The following MYO16 variants were observed in gnomAD, a reference collection of about 807,000 sequenced individuals.
The protein encoded by MYO16 is myosin XVI, also known as unconventional myosin-XVI.
In MYO16, 94 loss-of-function variants were observed where a neutral mutation model predicts 205.3. That is an observed-to-expected ratio of 0.46 (90% confidence interval 0.39 to 0.54). The LOEUF (loss-of-function observed/expected upper bound fraction) is 0.54. Ranked by LOEUF, MYO16 falls within the 20% of genes least tolerant of loss-of-function variation. MYO16 has a pLI of 0.00. For synonymous variants in MYO16, 988 were observed against 954.0 expected, an observed-to-expected ratio of 1.04 and a Z score of -0.66; for missense variants, 2,315 against 2,387.5, an observed-to-expected ratio of 0.97 and a Z score of 0.63.
chr13:109,073,599 A>G (rs1887995942), intron 27 of MYO16, among the ~76,000 whole-genome samples: 1 of 152,200 alleles, frequency 6.6e-6, no homozygotes, highest in Non-Finnish European at 1.5e-5. Context: ...CTGCTGATGT[A>G]GAAATAGGGT....
chr13:108,934,201 A>G (rs900906873), intron 16 of MYO16, among the ~76,000 whole-genome samples: 1 of 152,190 alleles, frequency 6.6e-6, no homozygotes, highest in Non-Finnish European at 1.5e-5. Flanking sequence ...ACTAATTTAT[A>G]TTCCCACCAA....
intron 12 of MYO16, among the ~76,000 whole-genome samples, chr13:108,879,465 A>T (rs995405488): frequency 1.1e-4 from 17 of 152,050 alleles, no homozygotes; most frequent in African/African-American, 3.9e-4. Flanking sequence ...TGCACCCGTT[A>T]ATTCATCATT....
chr13:108,776,361 C>G (rs1002361096), intron 4 of MYO16, among the ~76,000 whole-genome samples: 2 of 152,170 alleles, frequency 1.3e-5, no homozygotes, highest in Non-Finnish European at 2.9e-5. Context: ...CTGGCCTAGT[C>G]TAGAAGATTC....
chr13:108,570,432 A>G, the MYO16 span, among the ~76,000 whole-genome samples: 21 of 151,970 alleles, frequency 1.4e-4, no homozygotes, highest in South Asian at 4.2e-4. Flanking sequence ...AATTTTTCAT[A>G]GAGATGGGGT....
At chr13:109,072,375 GC>G (rs1887950538) in intron 27 of MYO16, among the ~76,000 whole-genome samples, 1 of 152,076 alleles carries the variant, frequency 6.6e-6, no homozygotes, top group South Asian at 2.1e-4. Flanking sequence ...CTAGATGCAA[GC>G]TGAGTGATAT....
At chr13:108,531,462 T>C in the MYO16 span, among the ~76,000 whole-genome samples, 2 of 151,896 alleles carry the variant, frequency 1.3e-5, no homozygotes, top group Admixed American at 6.6e-5. Context: ...ATTTTAGAGG[T>C]AGATTTGGAC....
chr13:109,204,765 G>A (rs1014120090), intron 34 of MYO16, among the ~76,000 whole-genome samples: 1 of 152,104 alleles, frequency 6.6e-6, no homozygotes, highest in Non-Finnish European at 1.5e-5. Flanking sequence ...ATGTGGCTTT[G>A]GCCAGATTAC....
chr13:109,149,140 T>A (rs1309053567), intron 32 of MYO16, among the ~76,000 whole-genome samples: 1 of 152,128 alleles, frequency 6.6e-6, no homozygotes, highest in African/African-American at 2.4e-5. Context: ...ACTCTTAGGA[T>A]CTTTCCTACA....
chr13:108,715,757 A>G (rs986358403), intron 3 of MYO16, among the ~76,000 whole-genome samples: 1 of 152,128 alleles, frequency 6.6e-6, no homozygotes, highest in Non-Finnish European at 1.5e-5. Flanking sequence ...TGGGGCCACA[A>G]TTATTTTGTT....
intron 2 of MYO16, among the ~76,000 whole-genome samples, chr13:108,708,211 C>T (rs554636102): frequency 7.9e-5 from 12 of 152,342 alleles, no homozygotes; most frequent in Middle Eastern, 3.4e-3. Context: ...TGCAAATAGA[C>T]ATTTCTGTGG....
chr13:108,857,349 A>G (rs1272306515), intron 11 of MYO16, among the ~76,000 whole-genome samples: 1 of 152,226 alleles, frequency 6.6e-6, no homozygotes, highest in Non-Finnish European at 1.5e-5. Flanking sequence ...GAGGAAAAGC[A>G]GGTTTATTTG....
At chr13:108,747,317 GTAA>G (rs923895947) in intron 4 of MYO16, among the ~76,000 whole-genome samples, 6 of 151,860 alleles carry the variant, frequency 4.0e-5, no homozygotes, top group African/African-American at 1.5e-4. Context: ...TCTATTTAAA[GTAA>G]TGATAACAAT....
the MYO16 span, among the ~76,000 whole-genome samples, chr13:108,585,141 T>C: frequency 6.6e-6 from 1 of 152,212 alleles, no homozygotes; most frequent in Non-Finnish European, 1.5e-5. Flanking sequence ...CAGAGATTTA[T>C]TCTGAGCCAA....
the MYO16 span, among the ~76,000 whole-genome samples, chr13:108,584,105 C>T: frequency 6.6e-6 from 1 of 152,188 alleles, no homozygotes; most frequent in African/African-American, 2.4e-5. Context: ...AGGTGCCCAC[C>T]ACCACGCCCA....
At chr13:108,748,032 C>T (rs138121537) in intron 4 of MYO16, among the ~76,000 whole-genome samples, 200 of 152,098 alleles carry the variant, frequency 1.3e-3, no homozygotes, top group African/African-American at 4.7e-3. Context: ...CAGAATGTTC[C>T]AGCCAACTGC....
chr13:108,549,417 A>AT, the MYO16 span, among the ~76,000 whole-genome samples: 172 of 149,880 alleles, frequency 1.1e-3, 1 homozygote, highest in South Asian at 5.7e-3. Flanking sequence ...CCGTTTCTGT[A>AT]TTTTTTTTTT....
chr13:108,900,140 CTT>C (rs1341229311), intron 15 of MYO16, among the ~76,000 whole-genome samples: 1 of 152,070 alleles, frequency 6.6e-6, no homozygotes, highest in African/African-American at 2.4e-5. Flanking sequence ...TTTTTTTCCT[CTT>C]TTTTATTTTT....
At chr13:108,736,288 G>T (rs879886319) in intron 4 of MYO16, among the ~76,000 whole-genome samples, 13 of 152,030 alleles carry the variant, frequency 8.6e-5, no homozygotes, top group African/African-American at 2.7e-4. Flanking sequence ...GTCTAACATT[G>T]AAGTCTTTAA....
intron 1 of MYO16, among the ~76,000 whole-genome samples, chr13:108,641,373 G>A (rs1880496329): frequency 6.6e-6 from 1 of 152,164 alleles, no homozygotes; most frequent in South Asian, 2.1e-4. Flanking sequence ...ATCTAGAAAT[G>A]AGAAGTGACA....
Sources: allele counts gnomAD v4.1 joint callset (sites outside exome capture counted in the v4.1 genomes callset), GRCh38; gene constraint gnomAD v4.1.1; transcripts MANE v1.5; gene names NCBI Gene and HGNC (gene_info 2026-07-23, HGNC 2026-07-21).